Variants in SLC25A33 observed in about 807,000 individuals in gnomAD.
SLC25A33 encodes the protein solute carrier family 25 member 33.
SLC25A33 carries 15 observed loss-of-function variants against 35.5 expected under a neutral mutation model. That is an observed-to-expected ratio of 0.42 (90% CI 0.28 to 0.65). SLC25A33 has a LOEUF of 0.65. Among genes scored for constraint, SLC25A33 ranks in the 30% least tolerant of loss-of-function variants. The probability of loss-of-function intolerance (pLI) is 0.20; values close to 1 mark genes in which losing one functional copy is unlikely to be tolerated. For synonymous variants in SLC25A33, 136 were observed against 148.7 expected (o/e 0.91, Z 0.62); for missense variants, 257 against 398.5 (o/e 0.64, Z 3.02).
At chr1:9,581,629 T>A (rs1004416475) in intron 6 of SLC25A33, among the ~76,000 whole-genome samples, 16 of 150,718 alleles carry the variant, frequency 1.1e-4, no homozygotes. Flanking sequence ...CTCAGGAGGC[T>A]GAGGCAGGAG....
At position 9,571,017 on chromosome 1, in the gene SLC25A33, C is replaced by G. The variant is rs1643582962; in HGVS notation, c.415+659C>G. 2.0e-5 allele frequency among the ~76,000 whole-genome samples: 3 copies of G among 151,684 alleles called. No homozygotes were observed. In the South Asian group the frequency reaches 6.2e-4, roughly 32 times the overall value. ...CATGAGCCACTGCGCCCAGCCCCATCAGATGATTTTCTAAAATTAGAGTTT... is the reference window on the plus strand; with the variant it reads ...CATGAGCCACTGCGCCCAGCCCCATGAGATGATTTTCTAAAATTAGAGTTT... On this transcript the variant is annotated intron_variant, in intron 4 of 6. Coordinates refer to ENST00000302692, the MANE Select transcript of SLC25A33 (RefSeq NM_032315.3).
chr1:9,566,829 A>G (rs1643514184), intron 2 of SLC25A33, among the ~76,000 whole-genome samples: 1 of 148,392 alleles, frequency 6.7e-6, no homozygotes, highest in Non-Finnish European at 1.5e-5. Flanking sequence ...CTGGGCAACA[A>G]GAGTGAAACT....
intron 5 of SLC25A33, 56 bp from the exon 6 acceptor site, chr1:9,579,898 C>CT (rs997280604): frequency 1.3e-6 from 2 of 1,561,538 alleles, no homozygotes; most frequent in Non-Finnish European, 1.7e-6. Context: ...TGTGTGATGT[C>CT]TGTGTTCCAC....
intron 1 of SLC25A33, among the ~76,000 whole-genome samples, chr1:9,549,462 C>T (rs1169167513): frequency 1.0e-5 from 1 of 99,524 alleles, no homozygotes. Context: ...GGATGAACTG[C>T]TGATGGGATC....
chr1:9,547,469 A>G (rs1394821130), intron 1 of SLC25A33, among the ~76,000 whole-genome samples: 1 of 152,136 alleles, frequency 6.6e-6, no homozygotes, highest in Non-Finnish European at 1.5e-5. Context: ...AAAAAAGGAA[A>G]TTAGGGATCT....
At chr1:9,580,295 G>A in intron 6 of SLC25A33, 61 bp downstream of exon 6, 2 of 1,576,774 alleles carry the variant, frequency 1.3e-6, no homozygotes, top group South Asian at 1.2e-5. Flanking sequence ...TTGTTTGTGG[G>A]TATATCTAGA....
At position 9,582,362 on chromosome 1, in the gene SLC25A33, G is replaced by A. The variant is rs777533016; in HGVS notation, c.827G>A (p.Arg276His). The change falls in exon 7 of 7, where the codon CGC becomes CAC. Residue 276 changes from arginine to histidine, a missense_variant. Arg to His is a conservative substitution (Grantham distance 29). Coordinates refer to ENST00000302692, the MANE Select transcript of SLC25A33 (RefSeq NM_032315.3). This position sits in a 1 kb window ranked among gnomAD's most constrained non-coding sequence, Gnocchi z 4.0. ...TKYKSFVQTA[R>H]LVFREEGYLA... The stretch of plus-strand genomic sequence containing the variant: ...TACAAGTCTTTTGTCCAGACGGCGC[G>A]CCTGGTGTTCCGGGAAGAAGGCTAC... 3.0e-5 allele frequency: 49 copies of A among 1,613,874 alleles called. No individual in the cohort carries two copies. The highest frequency in any genetic ancestry group is 5.3e-5 in the African/African-American group (4 of 74,920).
At chr1:9,553,215 T>TTTTTTTTTTTTTTTG (rs1643293093) in intron 1 of SLC25A33, among the ~76,000 whole-genome samples, 1 of 135,554 alleles carries the variant, frequency 7.4e-6, no homozygotes, top group African/African-American at 2.8e-5. Flanking sequence ...TTTTTTTTTT[T>TTTTTTTTTTTTTTTG]TTTTTTTTTT....
At chr1:9,555,923 G>C (rs1299575636) in intron 2 of SLC25A33, among the ~76,000 whole-genome samples, 1 of 152,216 alleles carries the variant, frequency 6.6e-6, no homozygotes, top group Non-Finnish European at 1.5e-5. Context: ...GACCTCAGGA[G>C]ATCTGCCTGC....
Position 9,580,227 on chromosome 1 carries a change from T to G in SLC25A33, c.756T>G (p.Tyr252Ter). ...AGGGCTGTGCCTCCTGCATTGCTTATCCACACGGTATGTTTTGCTTTTGTT... is the reference window on the plus strand; with the variant it reads ...AGGGCTGTGCCTCCTGCATTGCTTAGCCACACGGTATGTTTTGCTTTTGTT... ...LSKGCASCIA[Y>*]PHEVIRTRLR... Residue 252 changes from tyrosine to a stop codon, truncating the protein, a stop_gained, in exon 6 of 7, where the codon TAT (tyrosine) becomes TAG (stop). Transcript: ENST00000302692. LOFTEE classifies it high-confidence loss of function. 1.2e-6 allele frequency: 2 copies of G among 1,611,216 alleles called. No individual in the cohort carries two copies. The highest frequency in any genetic ancestry group is 1.3e-5 in the African/African-American group (1 of 74,666).
intron 1 of SLC25A33, among the ~76,000 whole-genome samples, chr1:9,546,914 A>G (rs1297402154): frequency 6.6e-6 from 1 of 152,210 alleles, no homozygotes; most frequent in Non-Finnish European, 1.5e-5. Flanking sequence ...AAGGGCTTCC[A>G]GCAGCAGCTC....
chr1:9,567,188 A>G (rs1405737899), intron 2 of SLC25A33, 96 bp from the exon 3 acceptor site: 1 of 1,012,406 alleles, frequency 9.9e-7, no homozygotes, highest in Non-Finnish European at 1.5e-6. Context: ...CAAACATTTT[A>G]TTCTCTCAAG....
chr1:9,574,856 G>A (rs1291754002), intron 5 of SLC25A33, among the ~76,000 whole-genome samples: 2 of 152,140 alleles, frequency 1.3e-5, no homozygotes, highest in Non-Finnish European at 2.9e-5. Context: ...ATTTCGGTTA[G>A]GGATTAGGGT....
intron 2 of SLC25A33, among the ~76,000 whole-genome samples, chr1:9,561,883 G>C (rs558265355): frequency 6.6e-6 from 1 of 152,168 alleles, no homozygotes; most frequent in East Asian, 1.9e-4. Context: ...GGCCACTTCA[G>C]GGTGTTACTT....
intron 1 of SLC25A33, among the ~76,000 whole-genome samples, chr1:9,548,398 A>G (rs967735129): frequency 6.6e-6 from 1 of 152,180 alleles, no homozygotes. Context: ...CCTGGCCAAC[A>G]TGGTGAAACC....
chr1:9,550,011 A>ATATATATATATTTTTTT (rs754618497), intron 1 of SLC25A33, among the ~76,000 whole-genome samples: 4 of 48,860 alleles, frequency 8.2e-5, no homozygotes, highest in African/African-American at 3.1e-4. Flanking sequence ...ATATATATAT[A>ATATATATATATTTTTTT]TTTTTTTTTT....
At chr1:9,556,681 CTG>C (rs139323135) in intron 2 of SLC25A33, among the ~76,000 whole-genome samples, 2,756 of 149,198 alleles carry the variant, frequency 0.018, 83 homozygotes, top group African/African-American at 0.062. Context: ...GTGTCTGTGT[CTG>C]TGTGTGTGTG....
In SLC25A33 at chr1:9,550,013, T is replaced by G. The variant is rs12756302; in HGVS notation, c.57-3613T>G. On this transcript the variant is annotated intron_variant, in intron 1 of 6. Coordinates refer to ENST00000302692, the MANE Select transcript of SLC25A33 (RefSeq NM_032315.3). ...TTTCTATACATATATATATATATAT[T>G]TTTTTTTTTTTTTTTTTTTTTTTTT... Among the ~76,000 whole-genome samples, 7 of 28,716 alleles carry G rather than the reference T, an allele frequency of 2.4e-4. No homozygotes were observed. The East Asian group carries it at 7.4e-3, about 31-fold the overall frequency. 18.8% of individuals were successfully genotyped at this position (28,716 alleles called of 152,430 possible).
In SLC25A33 at chr1:9,553,731, T is replaced by G. The variant is rs775411013; in HGVS notation, c.162T>G (p.Val54=). The part of the protein sequence containing the change: ...LALRTVYYPQ[V]HLGTISGAGM... ...TCCGGACAGTCTACTATCCTCAGGT[T>G]CATCTGGGGACCATTAGTGGAGCTG... The change falls in exon 2 of 7, where the codon GTT becomes GTG. Residue 54 remains valine (V), a synonymous_variant. Coordinates refer to ENST00000302692, the MANE Select transcript of SLC25A33 (RefSeq NM_032315.3). 6.2e-7 allele frequency: 1 copy of G among 1,614,012 alleles called. No individual in the cohort carries two copies. Among genetic ancestry groups the G allele is most frequent in the African/African-American group, 1.3e-5 (1 of 74,928 alleles).
Sources: gnomAD v4.1 joint callset for allele counts (sites outside exome capture counted in the v4.1 genomes callset) on GRCh38, gnomAD v4.1.1 for gene constraint, Gnocchi (gnomAD v3.1) non-coding constraint, MANE v1.5 for transcripts, NCBI Gene and HGNC (gene_info 2026-07-23, HGNC 2026-07-21) for gene names.